Variants in ARHGAP44 observed in about 807,000 individuals in gnomAD.
The protein encoded by ARHGAP44 is Rho GTPase activating protein 44, also known as rho GTPase-activating protein 44.
ARHGAP44 carries 43 observed loss-of-function variants against 106.8 expected under a neutral mutation model. The ratio of observed to expected loss-of-function variants is 0.40; its 90% CI spans 0.32 to 0.52. The LOEUF is 0.52. ARHGAP44 is among the 20% of genes least tolerant of loss of function. The probability of loss-of-function intolerance (pLI) is 0.48; values close to 1 mark genes in which losing one functional copy is unlikely to be tolerated. For synonymous variants in ARHGAP44, 439 were observed against 410.3 expected, an observed-to-expected ratio of 1.07 and a Z score of -0.85; for missense variants, 866 against 1,050.5, an observed-to-expected ratio of 0.82 and a Z score of 2.43.
At chr17:12,857,175 G>A (rs957794142) in intron 1 of ARHGAP44, among the ~76,000 whole-genome samples, 2 of 152,194 alleles carry the variant, frequency 1.3e-5, no homozygotes, top group African/African-American at 2.4e-5. Flanking sequence ...GCTTGTTCAT[G>A]TGCAAGGATC....
At chr17:12,944,468 A>G (rs1005573299) in intron 10 of ARHGAP44, among the ~76,000 whole-genome samples, 3 of 151,430 alleles carry the variant, frequency 2.0e-5, no homozygotes, top group Non-Finnish European at 2.9e-5. Flanking sequence ...ACATGTTTGG[A>G]TAATTTGGGC....
chr17:12,857,917 T>C, intron 1 of ARHGAP44, among the ~76,000 whole-genome samples: 1 of 152,098 alleles, frequency 6.6e-6, no homozygotes. Flanking sequence ...TTTTGGGGAC[T>C]TGGATCACTA....
intron 3 of ARHGAP44, among the ~76,000 whole-genome samples, chr17:12,901,933 T>G (rs571478344): frequency 1.3e-5 from 2 of 152,254 alleles, no homozygotes; most frequent in East Asian, 1.9e-4. Flanking sequence ...GCTTCAACAT[T>G]TACCACCCTA....
At chr17:12,931,415 T>C (rs781571889) in intron 7 of ARHGAP44, among the ~76,000 whole-genome samples, 1 of 152,048 alleles carries the variant, frequency 6.6e-6, no homozygotes, top group Non-Finnish European at 1.5e-5. Flanking sequence ...TTTATATTAA[T>C]CTACCATTTA....
intron 10 of ARHGAP44, 102 bp downstream of exon 10, chr17:12,944,298 C>A (rs538256351): frequency 7.1e-7 from 1 of 1,404,346 alleles, no homozygotes; most frequent in Non-Finnish European, 9.3e-7. Flanking sequence ...CTCCGGCCCC[C>A]ACGAATCCAA....
At chr17:12,919,000 T>G (rs2037995683) in intron 5 of ARHGAP44, among the ~76,000 whole-genome samples, 1 of 152,210 alleles carries the variant, frequency 6.6e-6, no homozygotes, top group Non-Finnish European at 1.5e-5. Context: ...TTTCATCTGA[T>G]GTTGGTCAAA....
At chr17:12,870,293 T>C (rs1476104622) in intron 1 of ARHGAP44, among the ~76,000 whole-genome samples, 4 of 152,014 alleles carry the variant, frequency 2.6e-5, no homozygotes, top group Non-Finnish European at 5.9e-5. Context: ...CAAGCAGTTC[T>C]CCCGCCTCAG....
intron 7 of ARHGAP44, among the ~76,000 whole-genome samples, chr17:12,933,316 G>A (rs2038453290): frequency 6.6e-6 from 1 of 152,142 alleles, no homozygotes; most frequent in African/African-American, 2.4e-5. Context: ...GTAGTAATCT[G>A]ATTCCTCTTT....
chr17:12,802,256 A>G (rs570644306), intron 1 of ARHGAP44, among the ~76,000 whole-genome samples: 1 of 152,296 alleles, frequency 6.6e-6, no homozygotes, highest in Admixed American at 6.5e-5. Flanking sequence ...AGCAGCAGAA[A>G]TAGACTCTAG....
chr17:12,878,432 C>A (rs1567664209), intron 1 of ARHGAP44, among the ~76,000 whole-genome samples: 1 of 152,098 alleles, frequency 6.6e-6, no homozygotes, highest in Non-Finnish European at 1.5e-5. Flanking sequence ...CTTTTAGTCT[C>A]TCGTATACAG....
intron 3 of ARHGAP44, among the ~76,000 whole-genome samples, chr17:12,900,243 C>T (rs1188420017): frequency 6.6e-6 from 1 of 152,076 alleles, no homozygotes; most frequent in Non-Finnish European, 1.5e-5. Context: ...AATTCTCCTG[C>T]CTCAGCCTCC....
At chr17:12,904,547 C>T (rs1235357616) in intron 3 of ARHGAP44, among the ~76,000 whole-genome samples, 1 of 152,164 alleles carries the variant, frequency 6.6e-6, no homozygotes, top group Non-Finnish European at 1.5e-5. Context: ...TGGTAGGGTA[C>T]TTGAGTAAAT....
In ARHGAP44 at chr17:12,984,588, T is replaced by C. The variant is rs2039911272; in HGVS notation, c.1997T>C (p.Met666Thr). ...GTCCCCTTTGGCCAGCCGGGGGCTA[T>C]GGCAGACCAGTCCGCTGGCCAGCCG... ...PKVPFGQPGA[M>T]ADQSAGQPSP... The change falls in exon 20 of 21, where the codon ATG becomes ACG. Residue 666 changes from methionine to threonine, a missense_variant. Transcript: ENST00000379672. The C allele has an allele frequency of 1.2e-6, 2 of 1,601,708 alleles. No homozygotes were observed. The highest frequency in any genetic ancestry group is 1.7e-6 in the Non-Finnish European group (2 of 1,174,656).
At chr17:12,794,458 A>G (rs954375183) in intron 1 of ARHGAP44, among the ~76,000 whole-genome samples, 1 of 152,176 alleles carries the variant, frequency 6.6e-6, no homozygotes, top group African/African-American at 2.4e-5. Flanking sequence ...TTGGCCTCCT[A>G]AGTAGAAAAG....
intron 4 of ARHGAP44, among the ~76,000 whole-genome samples, chr17:12,913,458 TATAA>T (rs2037799970): frequency 6.6e-6 from 1 of 152,076 alleles, no homozygotes; most frequent in Non-Finnish European, 1.5e-5. Flanking sequence ...CAAAGTGTAA[TATAA>T]ATAATAAGCA....
chr17:12,902,526 C>T (rs1358676183), intron 3 of ARHGAP44, among the ~76,000 whole-genome samples: 2 of 152,184 alleles, frequency 1.3e-5, no homozygotes, highest in Non-Finnish European at 2.9e-5. Context: ...TCCCCATAAG[C>T]TCCGTTCTCC....
In ARHGAP44 at chr17:12,984,788, C is replaced by A. The variant is rs377074868; in HGVS notation, c.2197C>A (p.Arg733=). ...CAAATCGCGGCCCACTCCTAAGCCGCGACAGAGACCTACTCTGCCGCCTCC... is the reference window on the plus strand; with the variant it reads ...CAAATCGCGGCCCACTCCTAAGCCGAGACAGAGACCTACTCTGCCGCCTCC... The part of the protein sequence containing the change: ...LSKSRPTPKP[R]QRPTLPPPQP... The change falls in exon 20 of 21, where the codon CGA becomes AGA. Residue 733 remains arginine (R), a synonymous_variant. Transcript: ENST00000379672. 6.2e-7 allele frequency: 1 copy of A among 1,613,978 alleles called. No individual in the cohort carries two copies. Among genetic ancestry groups the A allele is most frequent in the African/African-American group, 1.3e-5 (1 of 75,042 alleles).
intron 1 of ARHGAP44, among the ~76,000 whole-genome samples, chr17:12,835,993 G>A (rs1396280282): frequency 1.3e-5 from 2 of 152,060 alleles, no homozygotes; most frequent in African/African-American, 2.4e-5. Context: ...CTTTGTAAAG[G>A]CGGAATAGTA....
rs551723298 is a variant in ARHGAP44 at position 12,915,672 on chromosome 17, C to T, written c.276-228C>T. ...TTCTCTCTCATGTTTCCCCACATTT[C>T]CCCTTGTGCCCCAGGCACACAATGA... is the stretch of plus-strand genomic sequence containing the variant. On this transcript the variant is annotated intron_variant, in intron 4 of 20. Coordinates refer to ENST00000379672, the MANE Select transcript of ARHGAP44 (RefSeq NM_014859.6). Among the ~76,000 whole-genome samples the T allele has an allele frequency of 3.3e-5, 5 of 152,280 alleles. No individual in the cohort carries two copies. The East Asian group carries it at 7.7e-4, about 24-fold the overall frequency.
Sources: gnomAD v4.1 joint callset for allele counts (sites outside exome capture counted in the v4.1 genomes callset) on GRCh38, gnomAD v4.1.1 for gene constraint, MANE v1.5 for transcripts, NCBI Gene and HGNC (gene_info 2026-07-23, HGNC 2026-07-21) for gene names.